UNC5C: variants seen among roughly 807,000 people sequenced by gnomAD.
UNC5C encodes the protein unc-5 netrin receptor C.
A neutral mutation model predicts 99.8 loss-of-function variants in UNC5C; 47 were observed. The ratio of observed to expected loss-of-function variants is 0.47; its 90% CI spans 0.37 to 0.60. UNC5C has a LOEUF of 0.60. Ranked by LOEUF, UNC5C falls within the 20% of genes least tolerant of loss-of-function variation. UNC5C has a pLI of 0.00. For synonymous variants in UNC5C, 487 were observed against 452.2 expected, an observed-to-expected ratio of 1.08 and a Z score of -0.98; for missense variants, 1,062 against 1,165.9, an observed-to-expected ratio of 0.91 and a Z score of 1.30.
intron 7 of UNC5C, among the ~76,000 whole-genome samples, chr4:95,233,590 T>C (rs1452345015): frequency 2.6e-5 from 4 of 152,192 alleles, no homozygotes; most frequent in African/African-American, 9.7e-5. Flanking sequence ...AAACTATTCA[T>C]ATTATATGCT....
intron 1 of UNC5C, among the ~76,000 whole-genome samples, chr4:95,380,206 T>C (rs573102908): frequency 6.6e-6 from 1 of 152,290 alleles, no homozygotes; most frequent in African/African-American, 2.4e-5. Context: ...TATATTCCCA[T>C]ATCTAGCTCC....
intron 1 of UNC5C, among the ~76,000 whole-genome samples, chr4:95,527,586 T>C (rs537807499): frequency 6.7e-4 from 102 of 152,250 alleles, no homozygotes; most frequent in Admixed American, 1.9e-3. Flanking sequence ...TGCATATATA[T>C]TTAACATAGT....
chr4:95,260,428 C>A (rs1363326319), intron 4 of UNC5C, among the ~76,000 whole-genome samples: 1 of 152,158 alleles, frequency 6.6e-6, no homozygotes, highest in Admixed American at 6.5e-5. Flanking sequence ...ATTCATTTAG[C>A]CTTCTGAGCT....
At chr4:95,369,528 G>C (rs898857456) in intron 1 of UNC5C, among the ~76,000 whole-genome samples, 2 of 152,048 alleles carry the variant, frequency 1.3e-5, no homozygotes, top group South Asian at 2.1e-4. Flanking sequence ...TGCACTCCAA[G>C]CTGAACGACA....
intron 12 of UNC5C, among the ~76,000 whole-genome samples, chr4:95,191,803 C>T (rs1240272916): frequency 6.8e-6 from 1 of 146,580 alleles, no homozygotes; most frequent in Non-Finnish European, 1.5e-5. Context: ...CCCTTCTCAC[C>T]TTCTCCCCTG....
chr4:95,226,752 G>A (rs1168057383), intron 7 of UNC5C, among the ~76,000 whole-genome samples: 1 of 152,108 alleles, frequency 6.6e-6, no homozygotes, highest in African/African-American at 2.4e-5. Flanking sequence ...GCAAATTGAT[G>A]GTAAAAAGGT....
intron 2 of UNC5C, among the ~76,000 whole-genome samples, chr4:95,317,276 G>A (rs1742511326): frequency 6.6e-6 from 1 of 152,130 alleles, no homozygotes; most frequent in South Asian, 2.1e-4. Context: ...TGCAGGAAAA[G>A]GCATAATGGC....
chr4:95,224,607 C>CATTA (rs1381960092), intron 7 of UNC5C, among the ~76,000 whole-genome samples: 1 of 150,058 alleles, frequency 6.7e-6, no homozygotes, highest in African/African-American at 2.4e-5. Context: ...AATTGGAATT[C>CATTA]ATTCATTCAT....
intron 4 of UNC5C, among the ~76,000 whole-genome samples, chr4:95,273,470 G>A (rs1405651035): frequency 6.6e-6 from 1 of 152,160 alleles, no homozygotes; most frequent in Non-Finnish European, 1.5e-5. Context: ...AATAAAATGA[G>A]CAAAGAGGAT....
At position 95,188,384 on chromosome 4, in the gene UNC5C, C is replaced by T. The variant is rs191215252; in HGVS notation, c.2137-3188G>A. Among the ~76,000 whole-genome samples the T allele has an allele frequency of 4.3e-4, 65 of 152,266 alleles. No individual in the cohort carries two copies. In the East Asian group the frequency reaches 8.7e-3, roughly 20 times the overall value. ...TGGTGTGAGTTAAAGAGATCTCAGT[C>T]GATCATCCAGCAACTCCTGGGAAAC... On this transcript the variant is annotated intron_variant, in intron 12 of 15. Transcript: ENST00000453304.
At chr4:95,206,064 G>A (rs188082271) in intron 11 of UNC5C, among the ~76,000 whole-genome samples, 143 of 150,676 alleles carry the variant, frequency 9.5e-4, no homozygotes, top group African/African-American at 3.3e-3. Flanking sequence ...GCAGTGGTGC[G>A]ATCTCAGCTC....
intron 1 of UNC5C, among the ~76,000 whole-genome samples, chr4:95,463,808 T>C (rs2149471965): frequency 6.6e-6 from 1 of 152,312 alleles, no homozygotes; most frequent in East Asian, 1.9e-4. Context: ...GTACTCCATA[T>C]ACAAAGATGA....
At chr4:95,454,404 T>A (rs1026428527) in intron 1 of UNC5C, among the ~76,000 whole-genome samples, 17 of 152,152 alleles carry the variant, frequency 1.1e-4, no homozygotes, top group African/African-American at 3.9e-4. Flanking sequence ...CTAGAGCAAG[T>A]TTAATGTCTT....
At chr4:95,290,132 C>T (rs1741389358) in intron 3 of UNC5C, among the ~76,000 whole-genome samples, 2 of 151,608 alleles carry the variant, frequency 1.3e-5, no homozygotes, top group African/African-American at 2.4e-5. Context: ...AGTGAGAACC[C>T]CCATCTCTAC....
intron 3 of UNC5C, among the ~76,000 whole-genome samples, chr4:95,296,669 C>A (rs1741680105): frequency 1.3e-5 from 2 of 152,022 alleles, no homozygotes; most frequent in South Asian, 2.1e-4. Context: ...TGTAGACTGG[C>A]AATTTTAAGT....
In UNC5C at chr4:95,275,914, A is replaced by G. The variant is rs985849812; in HGVS notation, c.594+2345T>C. ...AAATCCAGTCTGGCCTCATCTCCCA[A>G]CGACTGATCTAATTATTACAAAACA... On this transcript the variant is annotated intron_variant, in intron 4 of 15. Transcript: ENST00000453304. Among the ~76,000 whole-genome samples the G allele has an allele frequency of 2.0e-5, 3 of 152,158 alleles. No homozygotes were observed. In the South Asian group the frequency reaches 6.2e-4, roughly 32 times the overall value.
chr4:95,252,144 C>G (rs541799133), intron 4 of UNC5C, among the ~76,000 whole-genome samples: 22 of 152,274 alleles, frequency 1.4e-4, no homozygotes, highest in African/African-American at 5.1e-4. Context: ...CCTGGATTTT[C>G]TCAACGTTTC....
intron 1 of UNC5C, among the ~76,000 whole-genome samples, chr4:95,370,269 A>G (rs939603686): frequency 1.3e-5 from 2 of 152,176 alleles, no homozygotes; most frequent in Non-Finnish European, 2.9e-5. Flanking sequence ...ATATTGGGCT[A>G]TATAATTATA....
intron 1 of UNC5C, among the ~76,000 whole-genome samples, chr4:95,464,729 T>C (rs751740765): frequency 2.6e-5 from 4 of 152,326 alleles, no homozygotes; most frequent in African/African-American, 4.8e-5. Context: ...CACTGTCTTA[T>C]TTTCTTATCA....
Sources: allele counts gnomAD v4.1 joint callset (sites outside exome capture counted in the v4.1 genomes callset), GRCh38; gene constraint gnomAD v4.1.1; transcripts MANE v1.5; gene names NCBI Gene and HGNC (gene_info 2026-07-23, HGNC 2026-07-21).